Variants in PADI4 observed in about 807,000 individuals in gnomAD.
PADI4 encodes peptidyl arginine deiminase 4.
In PADI4, 62 loss-of-function variants were observed where a neutral mutation model predicts 75.0. The observed-to-expected ratio is 0.83, with a 90% CI of 0.67 to 1.02. PADI4 has a LOEUF of 1.02. Among genes scored for constraint, PADI4 ranks in the 50% least tolerant of loss-of-function variants. The pLI is 0.00. For synonymous variants in PADI4, 361 were observed against 348.1 expected, an observed-to-expected ratio of 1.04 and a Z score of -0.41; for missense variants, 845 against 850.5, an observed-to-expected ratio of 0.99 and a Z score of 0.08.
At chr1:17,331,647 G>A (rs1455604304) in intron 2 of PADI4, among the ~76,000 whole-genome samples, 8 of 152,128 alleles carry the variant, frequency 5.3e-5, no homozygotes, top group African/African-American at 1.4e-4. Flanking sequence ...GCCGGGCACA[G>A]TGGCTCACAC....
intron 14 of PADI4, 63 bp from the exon 15 acceptor site, chr1:17,359,217 T>TCAC: frequency 1.5e-6 from 1 of 647,816 alleles, no homozygotes; most frequent in South Asian, 1.9e-5. Context: ...CCCCACACTG[T>TCAC]CCCCCACCCC....
chr1:17,320,598 G>A (rs545950062), intron 1 of PADI4, among the ~76,000 whole-genome samples: 17 of 152,290 alleles, frequency 1.1e-4, no homozygotes, highest in African/African-American at 3.9e-4. Flanking sequence ...CATAGTATCC[G>A]TAAACTGTCA....
chr1:17,335,352 C>T (rs1367177474), intron 3 of PADI4, among the ~76,000 whole-genome samples: 1 of 152,118 alleles, frequency 6.6e-6, no homozygotes, highest in Non-Finnish European at 1.5e-5. Flanking sequence ...TCCCATTTTA[C>T]AGGTGAGGAA....
chr1:17,362,179 A>G (rs1309771107), intron 15 of PADI4, among the ~76,000 whole-genome samples: 2 of 151,984 alleles, frequency 1.3e-5, no homozygotes, highest in Non-Finnish European at 2.9e-5. Flanking sequence ...GGAGTTCAAG[A>G]CCAGCCTGAG....
At chr1:17,352,381 C>G (rs1046703847) in intron 10 of PADI4, among the ~76,000 whole-genome samples, 2 of 152,180 alleles carry the variant, frequency 1.3e-5, no homozygotes, top group South Asian at 4.1e-4. Context: ...TGTTTAGAAA[C>G]TGAGAATCAT....
chr1:17,310,656 G>T (rs898875246), intron 1 of PADI4, among the ~76,000 whole-genome samples: 6 of 151,980 alleles, frequency 3.9e-5, no homozygotes, highest in Admixed American at 1.3e-4. Flanking sequence ...CCTAACCGAG[G>T]GTCACATAAA....
In PADI4 at chr1:17,363,768, T is replaced by C; in HGVS notation, c.*13T>C. 6.4e-7 allele frequency: 1 copy of C among 1,571,224 alleles called. No homozygotes were observed. The highest frequency in any genetic ancestry group is 1.7e-4 in the Middle Eastern group (1 of 5,976). ...CATGGTGCCCTGAGCCCATCTTCCC[T>C]GGCGTCCTCTCCCTCCTGGCCAGAT... is the stretch of plus-strand genomic sequence containing the variant. On this transcript the variant is annotated 3_prime_UTR_variant, in exon 16 of 16. Coordinates refer to ENST00000375448, the MANE Select transcript of PADI4 (RefSeq NM_012387.3).
At chr1:17,362,039 G>T (rs904303975) in intron 15 of PADI4, among the ~76,000 whole-genome samples, 3 of 152,168 alleles carry the variant, frequency 2.0e-5, no homozygotes, top group Non-Finnish European at 4.4e-5. Flanking sequence ...GAAGGTGACA[G>T]GTAGGGGAGG....
At chr1:17,343,646 A>G (rs1325747686) in intron 8 of PADI4, among the ~76,000 whole-genome samples, 1 of 152,126 alleles carries the variant, frequency 6.6e-6, no homozygotes, top group African/African-American at 2.4e-5. Context: ...GATAATTTGA[A>G]TCATGGAGGT....
intron 15 of PADI4, among the ~76,000 whole-genome samples, chr1:17,362,652 A>G (rs1043958593): frequency 3.9e-5 from 6 of 152,176 alleles, no homozygotes; most frequent in Non-Finnish European, 7.3e-5. Flanking sequence ...CAATATACCC[A>G]TGTAATAAAT....
chr1:17,331,515 C>G (rs1382678280), intron 2 of PADI4, among the ~76,000 whole-genome samples: 1 of 152,204 alleles, frequency 6.6e-6, no homozygotes, highest in Non-Finnish European at 1.5e-5. Context: ...TACTGGTAAA[C>G]AAACAATTGC....
At chr1:17,354,020 A>C (rs1183561571) in intron 10 of PADI4, among the ~76,000 whole-genome samples, 1 of 151,556 alleles carries the variant, frequency 6.6e-6, no homozygotes, top group East Asian at 1.9e-4. Context: ...CAGATGGATC[A>C]CTTGAGGTCA....
intron 10 of PADI4, among the ~76,000 whole-genome samples, chr1:17,349,747 A>AAC (rs71014938): frequency 1.7e-5 from 2 of 118,560 alleles, no homozygotes; most frequent in Non-Finnish European, 3.8e-5. Flanking sequence ...ACAACAAAAA[A>AAC]CACCCAAATC....
At chr1:17,314,720 G>C (rs1233565777) in intron 1 of PADI4, among the ~76,000 whole-genome samples, 1 of 152,158 alleles carries the variant, frequency 6.6e-6, no homozygotes, top group Admixed American at 6.5e-5. Flanking sequence ...CACTCCCTTC[G>C]AGGCTGCCTG....
Position 17,336,175 on chromosome 1 carries a change from A to G in PADI4, c.357A>G (p.Ala119=). 1.2e-6 allele frequency: 2 copies of G among 1,613,152 alleles called. No individual in the cohort carries two copies. Among genetic ancestry groups the G allele is most frequent in the South Asian group, 1.1e-5 (1 of 91,068 alleles). Residue 119 remains alanine (A), a synonymous_variant, in exon 4 of 16, where the codon GCA becomes GCG. Transcript: ENST00000375448. ...YLTGVEISLC[A]DITRTGKVKP... is the part of the protein sequence containing the mutation. ...GGATTTCAGAAATCTCCTTGTGCGCAGACATCACCCGCACCGGCAAAGTGA... is the reference window on the plus strand; with the variant it reads ...GGATTTCAGAAATCTCCTTGTGCGCGGACATCACCCGCACCGGCAAAGTGA...
At chr1:17,361,693 C>G (rs1394131147) in intron 15 of PADI4, among the ~76,000 whole-genome samples, 1 of 152,172 alleles carries the variant, frequency 6.6e-6, no homozygotes, top group African/African-American at 2.4e-5. Context: ...TTGCCTAAGG[C>G]CACACAGCTA....
rs13376691 is a variant in PADI4 at position 17,309,646 on chromosome 1, G to A, written c.92+1332G>A. Among the ~76,000 whole-genome samples, 896 of 152,326 alleles carry A rather than the reference G, an allele frequency of 5.9e-3. 7 individuals are homozygous for A. Among genetic ancestry groups the A allele is most frequent in the Non-Finnish European group, 8.7e-3 (589 of 68,026 alleles). On this transcript the variant is annotated intron_variant, in intron 1 of 15. Transcript: ENST00000375448. Reference sequence around the variant, plus strand: ...CTTCCCCATCCCAGTCTGGGCATCGGTGGCCCTAGAATGGTGCCCACAGGA... The same window carrying A: ...CTTCCCCATCCCAGTCTGGGCATCGATGGCCCTAGAATGGTGCCCACAGGA...
chr1:17,309,825 C>T (rs1023835257), intron 1 of PADI4, among the ~76,000 whole-genome samples: 1 of 152,212 alleles, frequency 6.6e-6, no homozygotes, highest in South Asian at 2.1e-4. Flanking sequence ...TCATCTGAGG[C>T]GCCCCCAACT....
At chr1:17,313,176 C>A (rs1019367853) in intron 1 of PADI4, among the ~76,000 whole-genome samples, 5 of 150,604 alleles carry the variant, frequency 3.3e-5, no homozygotes, top group African/African-American at 9.8e-5. Flanking sequence ...GGCGACAGAG[C>A]GAGACTCTGC....
Sources: gnomAD v4.1 joint callset for allele counts (sites outside exome capture counted in the v4.1 genomes callset) on GRCh38, gnomAD v4.1.1 for gene constraint, MANE v1.5 for transcripts, NCBI Gene and HGNC (gene_info 2026-07-23, HGNC 2026-07-21) for gene names.